SNCB: variants seen among roughly 807,000 people sequenced by gnomAD.
The protein encoded by SNCB is synuclein beta.
SNCB carries 8 observed loss-of-function variants against 20.0 expected under a neutral mutation model. That is an observed-to-expected ratio of 0.40 (90% CI 0.24 to 0.72). The LOEUF (loss-of-function observed/expected upper bound fraction) is 0.72, where lower values mean the gene tolerates loss of function less well. Ranked by LOEUF, SNCB falls within the 30% of genes least tolerant of loss-of-function variation. The pLI is 0.37. For missense variants in SNCB, 125 were observed against 168.0 expected (o/e 0.74, Z 1.41); for synonymous variants, 56 against 65.4 (o/e 0.86, Z 0.69).
intron 4 of SNCB, among the ~76,000 whole-genome samples, chr5:176,625,966 G>T (rs899364286): frequency 1.3e-5 from 2 of 152,286 alleles, no homozygotes; most frequent in South Asian, 2.1e-4. Context: ...CTGCTGGCTT[G>T]CGTTTTACTA....
chr5:176,625,572 G>A (rs936604557), intron 4 of SNCB, among the ~76,000 whole-genome samples: 2 of 152,188 alleles, frequency 1.3e-5, no homozygotes, highest in Non-Finnish European at 2.9e-5. Flanking sequence ...CCCAGCTGAG[G>A]CTGGGGGTAG....
At chr5:176,628,815 AC>A (rs1760138759) in intron 2 of SNCB, among the ~76,000 whole-genome samples, 1 of 152,256 alleles carries the variant, frequency 6.6e-6, no homozygotes, top group Non-Finnish European at 1.5e-5. Context: ...GTAAGTGGAC[AC>A]AAAATATTTT....
chr5:176,629,798 C>T lies in SNCB; in HGVS notation c.-9-135G>A. On this transcript the variant is annotated intron_variant, in intron 1 of 5. Coordinates refer to ENST00000393693, the MANE Select transcript of SNCB (RefSeq NM_003085.5). This position sits in a 1 kb window ranked among gnomAD's most constrained non-coding sequence, Gnocchi z 4.1. ...GACCCTGAGCCCCCTCCCGCTTTCC[C>T]CCCATCCCACCCCACTCCCCAGTGC... 1 of 1,208,758 alleles carries T rather than the reference C, an allele frequency of 8.3e-7. No individual in the cohort carries two copies. Among genetic ancestry groups the T allele is most frequent in the Non-Finnish European group, 1.1e-6 (1 of 885,570 alleles). The allele number at this position is 1,208,758 out of a possible 1,614,324, so 74.9% of individuals were successfully genotyped here.
rs189335925 is a variant in SNCB, at chr5:176,621,820, C to T, written c.283-517G>A. Among the ~76,000 whole-genome samples the T allele has an allele frequency of 2.6e-5, 4 of 152,328 alleles. No individual in the cohort carries two copies. The highest frequency in any genetic ancestry group is 1.3e-4 in the Admixed American group (2 of 15,312). ...TTAAGATAAGCTGGAAGCCACAGCTCGTGGTGTTGCTTGGATGTGTGAGCT... is the reference window on the plus strand; with the variant it reads ...TTAAGATAAGCTGGAAGCCACAGCTTGTGGTGTTGCTTGGATGTGTGAGCT... On this transcript the variant is annotated intron_variant, in intron 4 of 5. Transcript: ENST00000393693. The surrounding 1 kb of genome is among the most constrained non-coding windows in gnomAD (Gnocchi z 4.1).
At chr5:176,624,823 A>AAC (rs1391862006) in intron 4 of SNCB, among the ~76,000 whole-genome samples, 10 of 151,788 alleles carry the variant, frequency 6.6e-5, no homozygotes, top group African/African-American at 2.4e-4. Flanking sequence ...AAAAACAAAA[A>AAC]AAAACAAATG....
Position 176,626,091 on chromosome 5 carries a change from C to T in SNCB, c.282+307G>A, listed in dbSNP as rs1323964121. 6.6e-6 allele frequency among the ~76,000 whole-genome samples: 1 copy of T among 152,154 alleles called. No homozygotes were observed. The highest frequency in any genetic ancestry group is 1.5e-5 in the Non-Finnish European group (1 of 68,038). On this transcript the variant is annotated intron_variant, in intron 4 of 5. Transcript: ENST00000393693. This position sits in a 1 kb window ranked among gnomAD's most constrained non-coding sequence, Gnocchi z 4.2. ...TGTTGAATGAAAAGAAATGAATGAACAATCATTGACACATGCAGACGTGGC... is the reference window on the plus strand; with the variant it reads ...TGTTGAATGAAAAGAAATGAATGAATAATCATTGACACATGCAGACGTGGC...
chr5:176,624,816 A>AC (rs1181297073), intron 4 of SNCB, among the ~76,000 whole-genome samples: 127 of 147,460 alleles, frequency 8.6e-4, no homozygotes, highest in African/African-American at 3.2e-3. Flanking sequence ...AAAAAAAAAA[A>AC]ACAAAAAAAA....
Position 176,621,150 on chromosome 5 carries a change from A to G in SNCB, c.372+64T>C. ...TCTCATGCCAGGGATGTCCCACCCCAGCTAGGGACGGCAGCAATCATCCTG... is the reference window on the plus strand; with the variant it reads ...TCTCATGCCAGGGATGTCCCACCCCGGCTAGGGACGGCAGCAATCATCCTG... On this transcript the variant is annotated intron_variant, in intron 5 of 5. Transcript: ENST00000393693. The surrounding 1 kb of genome is among the most constrained non-coding windows in gnomAD (Gnocchi z 4.1). 2 of 1,319,164 alleles carry G rather than the reference A, an allele frequency of 1.5e-6. No individual in the cohort carries two copies. The highest frequency in any genetic ancestry group is 1.9e-4 in the Middle Eastern group (1 of 5,146). The allele number at this position is 1,319,164 out of a possible 1,614,324, so 81.7% of individuals were successfully genotyped here.
chr5:176,629,524 C>A lies in SNCB; in HGVS notation c.121+10G>T. ...GCCCTGCAGCCCCAGAAACCCCGCCCCTTACCCACCGACGTAGAGGACGCC... is the reference window on the plus strand; with the variant it reads ...GCCCTGCAGCCCCAGAAACCCCGCCACTTACCCACCGACGTAGAGGACGCC... On this transcript the variant is annotated intron_variant, in intron 2 of 5. Transcript: ENST00000393693. The surrounding 1 kb of genome is among the most constrained non-coding windows in gnomAD (Gnocchi z 4.1). 1 of 1,612,750 alleles carries A rather than the reference C, an allele frequency of 6.2e-7. No homozygotes were observed. Among genetic ancestry groups the A allele is most frequent in the Non-Finnish European group, 8.5e-7 (1 of 1,179,474 alleles).
intron 4 of SNCB, among the ~76,000 whole-genome samples, chr5:176,622,917 A>G (rs556930569): frequency 2.2e-4 from 33 of 151,758 alleles, no homozygotes; most frequent in African/African-American, 8.0e-4. Flanking sequence ...TTGTATTTTT[A>G]GTAGAGATGG....
chr5:176,628,924 G>C (rs748606720), intron 2 of SNCB, among the ~76,000 whole-genome samples: 2 of 152,206 alleles, frequency 1.3e-5, no homozygotes, highest in Non-Finnish European at 2.9e-5. Context: ...GAAAGTGGAC[G>C]GGGAAGAGAG....
At position 176,620,991 on chromosome 5, in the gene SNCB, T is replaced by C. The variant is rs1759550732; in HGVS notation, c.373-148A>G. 6 of 822,288 alleles carry C rather than the reference T, an allele frequency of 7.3e-6. No individual in the cohort carries two copies. The highest frequency in any genetic ancestry group is 1.5e-5 in the South Asian group (1 of 68,154). 50.9% of individuals were successfully genotyped at this position (822,288 alleles called of 1,614,324 possible). On this transcript the variant is annotated intron_variant, in intron 5 of 5. Coordinates refer to ENST00000393693, the MANE Select transcript of SNCB (RefSeq NM_003085.5). This position sits in a 1 kb window ranked among gnomAD's most constrained non-coding sequence, Gnocchi z 4.5. ...CCTGGGCAGGGGAGGAGCCTGGAAG[T>C]TGGGGACAACAGAGAATTCTTGGGC...
intron 4 of SNCB, among the ~76,000 whole-genome samples, chr5:176,623,124 C>T (rs1759710299): frequency 3.3e-5 from 5 of 152,028 alleles, no homozygotes; most frequent in Admixed American, 3.3e-4. Flanking sequence ...TGGCTCACGC[C>T]CGTTACCACT....
chr5:176,620,746 G>C lies in SNCB; in HGVS notation c.*65C>G. The C allele has an allele frequency of 1.1e-5, 12 of 1,121,700 alleles. No homozygotes were observed. The South Asian group carries it at 1.5e-4, about 14-fold the overall frequency. 69.5% of individuals were successfully genotyped at this position (1,121,700 alleles called of 1,614,324 possible). A position where few individuals can be genotyped will look rare whatever the true frequency, so the allele number is the denominator to read the frequency against. ...GGAGAAGGAGTCTAAGGACAGCCCT[G>C]GCTCTGGGGGGCGGGGCAGGGACAG... On this transcript the variant is annotated 3_prime_UTR_variant, in exon 6 of 6. Coordinates refer to ENST00000393693, the MANE Select transcript of SNCB (RefSeq NM_003085.5). The surrounding 1 kb of genome is among the most constrained non-coding windows in gnomAD (Gnocchi z 4.5).
rs914120264 is a variant in SNCB, at chr5:176,629,916, A to G, written c.-9-253T>C. 4.3e-6 allele frequency: 2 copies of G among 463,298 alleles called. No homozygotes were observed. Among genetic ancestry groups the G allele is most frequent in the East Asian group, 4.1e-5 (1 of 24,430 alleles). The allele number at this position is 463,298 out of a possible 1,614,324, so 28.7% of individuals were successfully genotyped here. On this transcript the variant is annotated intron_variant, in intron 1 of 5. Coordinates refer to ENST00000393693, the MANE Select transcript of SNCB (RefSeq NM_003085.5). This position sits in a 1 kb window ranked among gnomAD's most constrained non-coding sequence, Gnocchi z 4.1. ...CGGTTATCCGGGCCCTGCAAACTGC[A>G]GCCCCGTCGAACCGGAGTGCTGGGT... is the stretch of plus-strand genomic sequence containing the variant.
In SNCB at chr5:176,626,261, G is replaced by A. The variant is rs116826276; in HGVS notation, c.282+137C>T. The A allele has an allele frequency of 1.1e-3, 842 of 774,268 alleles. 3 individuals are homozygous for A. In the African/African-American group the frequency reaches 0.012, roughly 11 times the overall value. The allele number at this position is 774,268 out of a possible 1,614,324, so 48.0% of individuals were successfully genotyped here. The stretch of plus-strand genomic sequence containing the variant: ...CTAGCACGGGCCTGCAGGATGGGAG[G>A]CAAAGTGGCTTGTGTTCCAAGCTGG... On this transcript the variant is annotated intron_variant, in intron 4 of 5. Transcript: ENST00000393693. The surrounding 1 kb of genome is among the most constrained non-coding windows in gnomAD (Gnocchi z 4.2).
intron 4 of SNCB, among the ~76,000 whole-genome samples, chr5:176,623,948 G>T (rs1471320821): frequency 6.6e-6 from 1 of 152,192 alleles, no homozygotes; most frequent in Non-Finnish European, 1.5e-5. Flanking sequence ...GGCTGGTGAG[G>T]ATTCCGTGAT....
In SNCB at chr5:176,626,378, G is replaced by A. The variant is rs1479381301; in HGVS notation, c.282+20C>T. ...TGTGTGTGTGTTTGCCTGCATGTGC[G>A]GGTCAGAAGGATCGCTTACCTTCAG... On this transcript the variant is annotated intron_variant, in intron 4 of 5. Transcript: ENST00000393693. The surrounding 1 kb of genome is among the most constrained non-coding windows in gnomAD (Gnocchi z 4.2). The A allele has an allele frequency of 4.2e-6, 6 of 1,434,952 alleles. No homozygotes were observed. The highest frequency in any genetic ancestry group is 3.3e-5 in the Admixed American group (2 of 59,788). The allele number at this position is 1,434,952 out of a possible 1,614,324, so 88.9% of individuals were successfully genotyped here.
In SNCB at chr5:176,621,202, C is replaced by T. The variant is rs1203133389; in HGVS notation, c.372+12G>A. 3 of 1,603,066 alleles carry T rather than the reference C, an allele frequency of 1.9e-6. No homozygotes were observed. In the South Asian group the frequency reaches 3.3e-5, roughly 18 times the overall value. On this transcript the variant is annotated intron_variant, in intron 5 of 5. Coordinates refer to ENST00000393693, the MANE Select transcript of SNCB (RefSeq NM_003085.5). The surrounding 1 kb of genome is among the most constrained non-coding windows in gnomAD (Gnocchi z 4.1). ...ATTCCCAAAGTCCCGCCCAGCCCTG[C>T]TGCCCCCTCACCTGGGGTGGGTCCT...
Sources: allele counts gnomAD v4.1 joint callset (sites outside exome capture counted in the v4.1 genomes callset), GRCh38; gene constraint gnomAD v4.1.1; non-coding constraint Gnocchi (gnomAD v3.1); transcripts MANE v1.5; gene names NCBI Gene and HGNC (gene_info 2026-07-23, HGNC 2026-07-21).